Variants in PCDHA8 observed in about 807,000 individuals in gnomAD.
The protein encoded by PCDHA8 is protocadherin alpha 8.
PCDHA8 carries 53 observed loss-of-function variants against 61.8 expected under a neutral mutation model. The observed-to-expected ratio is 0.86, with a 90% CI of 0.69 to 1.08. The LOEUF (loss-of-function observed/expected upper bound fraction) is 1.08. PCDHA8 is among the 50% of genes least tolerant of loss of function. The pLI is 0.00. For synonymous variants in PCDHA8, 618 were observed against 556.6 expected (o/e 1.11, Z -1.55); for missense variants, 1,293 against 1,245.0 (o/e 1.04, Z -0.58).
At chr5:140,929,373 C>T (rs1563116244) in intron 1 of PCDHA8, 1 of 1,514,818 alleles carries the variant, frequency 6.6e-7, no homozygotes, top group Non-Finnish European at 8.8e-7. Context: ...GAGATGGCTG[C>T]TAGCTGTGTT....
At chr5:140,969,457 T>C (rs1554231852) in intron 1 of PCDHA8, 1 of 1,505,602 alleles carries the variant, frequency 6.6e-7, no homozygotes, top group Admixed American at 2.2e-5. Context: ...TGAGTATATA[T>C]AGTATCCACA....
chr5:140,906,999 G>T lies in PCDHA8; in HGVS notation c.2394+63284G>T, dbSNP rs187849442. Among the ~76,000 whole-genome samples the T allele has an allele frequency of 8.0e-3, 1,219 of 152,202 alleles. 6 individuals are homozygous for T. The highest frequency in any genetic ancestry group is 0.019 in the African/African-American group (787 of 41,528). On this transcript the variant is annotated intron_variant, in intron 1 of 3. Coordinates refer to ENST00000531613, the MANE Select transcript of PCDHA8 (RefSeq NM_018911.3). Reference sequence around the variant, plus strand: ...TTCTGGTGGCAGCATTCCTCCCTCTGGAACTAAGACCTCTAGGCCAGCAGA... The same window carrying T: ...TTCTGGTGGCAGCATTCCTCCCTCTTGAACTAAGACCTCTAGGCCAGCAGA...
chr5:140,903,884 A>C (rs1466107424), intron 1 of PCDHA8, among the ~76,000 whole-genome samples: 1 of 152,214 alleles, frequency 6.6e-6, no homozygotes, highest in Non-Finnish European at 1.5e-5. Context: ...AAGACATTGA[A>C]TCTTGACCTG....
intron 1 of PCDHA8, among the ~76,000 whole-genome samples, chr5:140,846,195 A>G (rs2150385667): frequency 6.7e-6 from 1 of 149,594 alleles, no homozygotes; most frequent in Admixed American, 6.7e-5. Context: ...AGTTCTTTGT[A>G]TGTATGAGAT....
In PCDHA8 at chr5:141,012,192, T is replaced by TA. The variant is rs1424309622; in HGVS notation, c.*2256dup. 1 of 153,796 alleles carries TA rather than the reference T, an allele frequency of 6.5e-6. No homozygotes were observed. The highest frequency in any genetic ancestry group is 6.5e-5 in the Admixed American group (1 of 15,282). The allele number at this position is 153,796 out of a possible 1,614,324, so 9.5% of individuals were successfully genotyped here. ...AATGATGATAATTATAATGTATCTGTACAGCACTTTTTACATTTGCGAAGT... is the reference window on the plus strand; with the variant it reads ...AATGATGATAATTATAATGTATCTGTAACAGCACTTTTTACATTTGCGAAGT... On this transcript the variant is annotated 3_prime_UTR_variant, in exon 4 of 4. Transcript: ENST00000531613.
At chr5:140,915,690 T>G (rs1330039439) in intron 1 of PCDHA8, among the ~76,000 whole-genome samples, 1 of 151,558 alleles carries the variant, frequency 6.6e-6, no homozygotes, top group African/African-American at 2.4e-5. Context: ...AGGGGTATGG[T>G]GATGCAAGCA....
chr5:140,848,002 AG>A, intron 1 of PCDHA8: 1 of 156,592 alleles, frequency 6.4e-6, no homozygotes, highest in Admixed American at 6.0e-5. Flanking sequence ...CCAGAACAAA[AG>A]AATTTTGTAA....
Position 140,920,248 on chromosome 5 carries a change from C to T in PCDHA8, c.2395-58701C>T, listed in dbSNP as rs77829363. 2.9e-3 allele frequency among the ~76,000 whole-genome samples: 443 copies of T among 152,218 alleles called. 1 individual carries two copies. The highest frequency in any genetic ancestry group is 0.01 in the African/African-American group (423 of 41,510). Reference sequence around the variant, plus strand: ...TAGTATTATATACCCAACAATACATCGCTATAATAATTATTACTTTATGTA... The same window carrying T: ...TAGTATTATATACCCAACAATACATTGCTATAATAATTATTACTTTATGTA... On this transcript the variant is annotated intron_variant, in intron 1 of 3. Coordinates refer to ENST00000531613, the MANE Select transcript of PCDHA8 (RefSeq NM_018911.3).
chr5:140,969,214 A>G (rs906572071), intron 1 of PCDHA8: 5 of 1,614,194 alleles, frequency 3.1e-6, no homozygotes, highest in Non-Finnish European at 4.2e-6. Context: ...CCCAGACAGG[A>G]CCAGGGCCTT....
At chr5:140,877,163 C>T (rs782243946) in intron 1 of PCDHA8, 3 of 1,613,816 alleles carry the variant, frequency 1.9e-6, no homozygotes, top group Non-Finnish European at 2.5e-6. Context: ...AACGCGCCGG[C>T]ACTGCTGGCG....
rs1336398509 is a variant in PCDHA8 at position 140,898,765 on chromosome 5, G to A, written c.2394+55050G>A. On this transcript the variant is annotated intron_variant, in intron 1 of 3. Transcript: ENST00000531613. ...GCTTGATGGGGATGGCATTGAATCT[G>A]TAAATTACCTTGGGCAGTATGGCCA... 8.0e-3 allele frequency among the ~76,000 whole-genome samples: 1,218 copies of A among 151,752 alleles called. 6 individuals are homozygous for A. The highest frequency in any genetic ancestry group is 0.019 in the African/African-American group (786 of 41,220).
intron 3 of PCDHA8, among the ~76,000 whole-genome samples, chr5:140,993,009 G>C (rs1228975075): frequency 3.9e-5 from 6 of 152,172 alleles, no homozygotes; most frequent in Non-Finnish European, 8.8e-5. Flanking sequence ...CCTCCCCAGA[G>C]TCCAGCATCC....
Position 140,978,948 on chromosome 5 carries a change from G to A in PCDHA8, c.2395-1G>A, listed in dbSNP as rs1554239939. On this transcript the variant is annotated splice_acceptor_variant, in intron 1 of 3. Transcript: ENST00000531613. LOFTEE classifies it high-confidence loss of function. ...AGAAAACTCTCTTTGTGATTTTGCA[G>A]CCACGACAGCCCAACCCTGACTGGC... is the stretch of plus-strand genomic sequence containing the variant. 1 of 1,614,128 alleles carries A rather than the reference G, an allele frequency of 6.2e-7. No individual in the cohort carries two copies. The highest frequency in any genetic ancestry group is 8.5e-7 in the Non-Finnish European group (1 of 1,180,018).
chr5:140,863,282 A>G (rs782183211), intron 1 of PCDHA8: 1 of 1,461,396 alleles, frequency 6.8e-7, no homozygotes, highest in Non-Finnish European at 9.3e-7. Flanking sequence ...GTGGATGTCA[A>G]CGTGTACCTG....
At chr5:141,006,704 A>G (rs2098283751) in intron 3 of PCDHA8, among the ~76,000 whole-genome samples, 1 of 152,128 alleles carries the variant, frequency 6.6e-6, no homozygotes, top group Non-Finnish European at 1.5e-5. Context: ...GAGTCAAGAT[A>G]TATTTAGGAG....
chr5:140,883,622 G>A, intron 1 of PCDHA8: 4 of 1,614,004 alleles, frequency 2.5e-6, no homozygotes, highest in Non-Finnish European at 3.4e-6. Context: ...GAACGACAAC[G>A]CGCCGGCGTT....
chr5:140,890,488 T>C (rs1022131727), intron 1 of PCDHA8, among the ~76,000 whole-genome samples: 20 of 152,340 alleles, frequency 1.3e-4, no homozygotes, highest in African/African-American at 4.8e-4. Flanking sequence ...GTTATTTTTG[T>C]CTCACCATTT....
chr5:140,946,091 A>G (rs1554217315), intron 1 of PCDHA8, among the ~76,000 whole-genome samples: 1 of 152,040 alleles, frequency 6.6e-6, no homozygotes, highest in Non-Finnish European at 1.5e-5. Flanking sequence ...TCTGATAAGG[A>G]GTTAACATAC....
intron 3 of PCDHA8, among the ~76,000 whole-genome samples, chr5:140,993,075 G>A (rs531612224): frequency 1.3e-3 from 191 of 152,324 alleles, no homozygotes; most frequent in African/African-American, 4.5e-3. Flanking sequence ...CCTGCAGTCT[G>A]CAATCAGCAG....
Sources: gnomAD v4.1 joint callset for allele counts (sites outside exome capture counted in the v4.1 genomes callset) on GRCh38, gnomAD v4.1.1 for gene constraint, MANE v1.5 for transcripts, NCBI Gene and HGNC (gene_info 2026-07-23, HGNC 2026-07-21) for gene names.